The following TEX2 variants were observed in gnomAD, a reference collection of about 807,000 sequenced individuals.
The protein encoded by TEX2 is testis-expressed protein 2.
TEX2 carries 53 observed loss-of-function variants against 106.9 expected under a neutral mutation model. The ratio of observed to expected loss-of-function variants is 0.50; its 90% confidence interval spans 0.40 to 0.62. The LOEUF (loss-of-function observed/expected upper bound fraction) is 0.62. Among genes scored for constraint, TEX2 ranks in the 20% least tolerant of loss-of-function variants. TEX2 has a pLI of 0.00. For synonymous variants in TEX2, 523 were observed against 534.8 expected (o/e 0.98, Z 0.30); for missense variants, 1,207 against 1,379.0 (o/e 0.88, Z 1.98).
Position 64,258,580 on chromosome 17 carries a change from G to A in TEX2, c.-26+4588C>T, listed in dbSNP as rs115533656. Among the ~76,000 whole-genome samples, 951 of 152,224 alleles carry A rather than the reference G, an allele frequency of 6.2e-3. 9 individuals carry two copies. Among genetic ancestry groups the A allele is most frequent in the African/African-American group, 0.022 (910 of 41,522 alleles). On this transcript the variant is annotated intron_variant, in intron 1 of 11. Coordinates refer to ENST00000584379, the MANE Select transcript of TEX2 (RefSeq NM_001288732.2). ...AGTTACTCACATTGTTATCACCTGC[G>A]TATTGTTTTGTTTTTCAAAGCACTA... is the stretch of plus-strand genomic sequence containing the variant.
chr17:64,241,966 A>C (rs1407338531), intron 1 of TEX2, among the ~76,000 whole-genome samples: 1 of 152,136 alleles, frequency 6.6e-6, no homozygotes, highest in Non-Finnish European at 1.5e-5. Context: ...ACTGTCTGAC[A>C]TTGCCTACCT....
chr17:64,149,089 T>C lies in TEX2; in HGVS notation c.3264A>G (p.Lys1088=). 6.2e-7 allele frequency: 1 copy of C among 1,613,816 alleles called. No individual in the cohort carries two copies. ...IEKKLEQEFQ[K]VFVMPNMDDV... ...CATCCATGTTTGGCATGACAAAAAC[T>C]TTCTGTAGGAAGATATTAAAGAACA... The change falls in exon 12 of 12, where the codon AAA becomes AAG. Residue 1088 remains lysine, a splice_region_variant and synonymous_variant. Transcript: ENST00000584379.
chr17:64,176,561 G>A (rs1208987425), intron 6 of TEX2, among the ~76,000 whole-genome samples: 6 of 152,048 alleles, frequency 3.9e-5, no homozygotes, highest in African/African-American at 1.2e-4. Flanking sequence ...GTCTTCACTG[G>A]GTCAAAAAGT....
chr17:64,262,277 A>G (rs1555638663), intron 1 of TEX2, among the ~76,000 whole-genome samples: 1 of 152,242 alleles, frequency 6.6e-6, no homozygotes. Context: ...AGTACTTCAT[A>G]GCTCTGGAGA....
intron 2 of TEX2, among the ~76,000 whole-genome samples, chr17:64,201,680 C>A (rs1183950053): frequency 1.3e-5 from 2 of 152,124 alleles, no homozygotes. Context: ...GCCTAGTCAC[C>A]CCTCAGGTCA....
intron 1 of TEX2, among the ~76,000 whole-genome samples, chr17:64,227,447 G>C (rs1459088757): frequency 6.6e-6 from 1 of 152,032 alleles, no homozygotes; most frequent in Non-Finnish European, 1.5e-5. Flanking sequence ...ATTGTTATTT[G>C]CTAATTTCAG....
At chr17:64,222,518 C>CAAAAAAAAAAAAAAAAAAAAAAAAAAA (rs11296538) in intron 1 of TEX2, among the ~76,000 whole-genome samples, 1 of 99,150 alleles carries the variant, frequency 1.0e-5, no homozygotes, top group South Asian at 3.2e-4. Flanking sequence ...TTCCAACTCA[C>CAAAAAAAAAAAAAAAAAAAAAAAAAAA]AAAAAAAAAA....
chr17:64,200,106 A>G lies in TEX2; in HGVS notation c.1645-5011T>C, dbSNP rs541423254. 1.1e-4 allele frequency among the ~76,000 whole-genome samples: 16 copies of G among 152,356 alleles called. No homozygotes were observed. The East Asian group carries it at 2.9e-3, about 28-fold the overall frequency. On this transcript the variant is annotated intron_variant, in intron 2 of 11. Coordinates refer to ENST00000584379, the MANE Select transcript of TEX2 (RefSeq NM_001288732.2). Reference sequence around the variant, plus strand: ...TATTAAAAACTCAGAAATATTAATAAGAGTATTCTATGTAGGAGGCTTTTG... The same window carrying G: ...TATTAAAAACTCAGAAATATTAATAGGAGTATTCTATGTAGGAGGCTTTTG...
intron 1 of TEX2, among the ~76,000 whole-genome samples, chr17:64,226,360 A>T (rs1197958853): frequency 2.6e-5 from 4 of 152,160 alleles, no homozygotes; most frequent in African/African-American, 9.7e-5. Flanking sequence ...TAGTACAGAG[A>T]GGTTCCATGT....
At chr17:64,179,528 T>TA (rs1314947078) in intron 5 of TEX2, among the ~76,000 whole-genome samples, 1 of 152,130 alleles carries the variant, frequency 6.6e-6, no homozygotes, top group Non-Finnish European at 1.5e-5. Flanking sequence ...GTGCCACCTT[T>TA]AAGAGCTGTA....
chr17:64,219,052 C>T (rs1555632972), intron 1 of TEX2, among the ~76,000 whole-genome samples: 1 of 151,946 alleles, frequency 6.6e-6, no homozygotes, highest in Non-Finnish European at 1.5e-5. Context: ...TTCTCAAATA[C>T]AATGAATGGT....
intron 1 of TEX2, among the ~76,000 whole-genome samples, chr17:64,248,098 CTG>C (rs2034024300): frequency 6.6e-6 from 1 of 152,132 alleles, no homozygotes; most frequent in Admixed American, 6.5e-5. Context: ...GGAACCAAGA[CTG>C]TAGTGGGAAA....
intron 1 of TEX2, among the ~76,000 whole-genome samples, chr17:64,248,042 A>G (rs1448941304): frequency 1.3e-5 from 2 of 152,212 alleles, no homozygotes; most frequent in Non-Finnish European, 2.9e-5. Context: ...CAGGAAGAAG[A>G]CAGCCTTCTG....
chr17:64,148,996 T>A lies in TEX2; in HGVS notation c.3357A>T (p.Pro1119=). 6.2e-7 allele frequency: 1 copy of A among 1,614,084 alleles called. No homozygotes were observed. The highest frequency in any genetic ancestry group is 2.2e-5 in the East Asian group (1 of 44,876). ...ATGGCTGATCAGCAGCCTCCACAGGTGGGTCTTTCAGGAGGCAGGAAGTAG... is the reference window on the plus strand; with the variant it reads ...ATGGCTGATCAGCAGCCTCCACAGGAGGGTCTTTCAGGAGGCAGGAAGTAG... ...PRSTSCLLKD[P]PVEAADQP is the part of the protein sequence containing the mutation. Residue 1119 remains proline (P), a synonymous_variant, in exon 12 of 12, where the codon CCA becomes CCT. Coordinates refer to ENST00000584379, the MANE Select transcript of TEX2 (RefSeq NM_001288732.2).
chr17:64,242,091 G>A (rs1460649587), intron 1 of TEX2, among the ~76,000 whole-genome samples: 1 of 152,184 alleles, frequency 6.6e-6, no homozygotes, highest in East Asian at 1.9e-4. Flanking sequence ...AATGAATGAA[G>A]GAACACTGCA....
At chr17:64,193,486 A>T (rs975320138) in intron 4 of TEX2, 73 bp downstream of exon 4, 23 of 1,154,476 alleles carry the variant, frequency 2.0e-5, no homozygotes, top group Middle Eastern at 2.1e-4. Context: ...CTTCCTTCCT[A>T]CCTGGCATTC....
rs782080763 is a variant in TEX2 at position 64,213,862 on chromosome 17, G to A, written c.356C>T (p.Ser119Phe). ...TAATACTTGTGCTGCTGGAACAGGG[G>A]ACTCCAACAGCTTTACAGTGTTCTT... ...VSKNTVKLLE[S>F]PVPAAQVLST... is the part of the protein sequence containing the mutation. Residue 119 changes from serine (S) to phenylalanine (F), a missense_variant, in exon 2 of 12, where the codon TCC becomes TTC. Around this residue, in one of 3 missense-constraint regions of TEX2, gnomAD observed 1,067 missense variants for 1,193.6 expected, o/e 0.89. Coordinates refer to ENST00000584379, the MANE Select transcript of TEX2 (RefSeq NM_001288732.2). The surrounding 1 kb of genome is among the most constrained non-coding windows in gnomAD (Gnocchi z 4.4). 8 of 1,614,230 alleles carry A rather than the reference G, an allele frequency of 5.0e-6. No individual in the cohort carries two copies. Among genetic ancestry groups the A allele is most frequent in the South Asian group, 4.4e-5 (4 of 91,088 alleles).
At chr17:64,227,431 A>C (rs2033537941) in intron 1 of TEX2, among the ~76,000 whole-genome samples, 1 of 152,188 alleles carries the variant, frequency 6.6e-6, no homozygotes, top group Non-Finnish European at 1.5e-5. Context: ...AACAGGTTTA[A>C]CAGTAATTGT....
At chr17:64,261,038 T>C (rs1598240537) in intron 1 of TEX2, among the ~76,000 whole-genome samples, 2 of 152,352 alleles carry the variant, frequency 1.3e-5, no homozygotes, top group South Asian at 4.1e-4. Context: ...ACTTTGATAC[T>C]GAAAGTAATC....
Sources: gnomAD v4.1 joint callset for allele counts (sites outside exome capture counted in the v4.1 genomes callset) on GRCh38, gnomAD v4.1.1 for gene constraint, gnomAD v4.1.1 regional missense constraint, Gnocchi (gnomAD v3.1) non-coding constraint, MANE v1.5 for transcripts, NCBI Gene and HGNC (gene_info 2026-07-23, HGNC 2026-07-21) for gene names.